The following RFTN2 variants were observed in gnomAD, a reference collection of about 807,000 sequenced individuals.
RFTN2 encodes raftlin family member 2.
In RFTN2, 34 loss-of-function variants were observed where a neutral mutation model predicts 52.7. That is an observed-to-expected ratio of 0.64 (90% CI 0.49 to 0.86). The LOEUF is 0.86. RFTN2 is among the 40% of genes least tolerant of loss of function. The pLI is 0.00. For missense variants in RFTN2, 536 were observed against 600.1 expected, an observed-to-expected ratio of 0.89 and a Z score of 1.12; for synonymous variants, 203 against 217.7, an observed-to-expected ratio of 0.93 and a Z score of 0.59.
rs555834039 is a variant in RFTN2, at chr2:197,578,560, C to T, written c.1234-6280G>A. Among the ~76,000 whole-genome samples the T allele has an allele frequency of 4.6e-5, 7 of 152,280 alleles. No homozygotes were observed. The East Asian group carries it at 1.2e-3, about 25-fold the overall frequency. ...TTCTCCTGGCTCAGAAATTCCCCTA[C>T]TGAGCACCTTGTGACCCCCAGCCCT... is the stretch of plus-strand genomic sequence containing the variant. On this transcript the variant is annotated intron_variant, in intron 8 of 8. Coordinates refer to ENST00000295049, the MANE Select transcript of RFTN2 (RefSeq NM_144629.3).
rs2088235120 is a variant in RFTN2, at chr2:197,620,034, C to T, written c.929-2113G>A. Reference sequence around the variant, plus strand: ...TTGAAATCAAAATTTGGTTTCGGATCTATACGTTGTATGCATGTTAATTAT... The same window carrying T: ...TTGAAATCAAAATTTGGTTTCGGATTTATACGTTGTATGCATGTTAATTAT... On this transcript the variant is annotated intron_variant, in intron 5 of 8. Transcript: ENST00000295049. Among the ~76,000 whole-genome samples, 3 of 151,736 alleles carry T rather than the reference C, an allele frequency of 2.0e-5. No homozygotes were observed. The South Asian group carries it at 6.2e-4, about 31-fold the overall frequency.
At chr2:197,674,354 A>AAAAAAAAAAAAG (rs2089187560) in intron 1 of RFTN2, among the ~76,000 whole-genome samples, 1 of 150,046 alleles carries the variant, frequency 6.7e-6, no homozygotes, top group Non-Finnish European at 1.5e-5. Context: ...AAAAAAAAAA[A>AAAAAAAAAAAAG]AAAAAAAAAG....
intron 1 of RFTN2, among the ~76,000 whole-genome samples, chr2:197,650,675 TTTTG>T (rs1350179858): frequency 1.2e-4 from 19 of 152,224 alleles, no homozygotes; most frequent in African/African-American, 4.6e-4. Flanking sequence ...ATATACCACA[TTTTG>T]TTTATCCATC....
At chr2:197,578,605 C>CT (rs934048167) in intron 8 of RFTN2, among the ~76,000 whole-genome samples, 3 of 152,180 alleles carry the variant, frequency 2.0e-5, no homozygotes, top group African/African-American at 7.2e-5. Context: ...AGAACAACCC[C>CT]CTTTGACTGT....
At chr2:197,633,231 TATTA>T (rs1313187456) in intron 4 of RFTN2, among the ~76,000 whole-genome samples, 2 of 152,246 alleles carry the variant, frequency 1.3e-5, no homozygotes, top group Admixed American at 6.5e-5. Context: ...ACTATTGTTA[TATTA>T]ATTGTTTCAT....
intron 1 of RFTN2, among the ~76,000 whole-genome samples, chr2:197,663,441 T>C (rs1308591397): frequency 2.0e-5 from 3 of 152,220 alleles, no homozygotes; most frequent in Non-Finnish European, 4.4e-5. Context: ...TGTCCAGTTC[T>C]GTGGTAATGA....
intron 1 of RFTN2, among the ~76,000 whole-genome samples, chr2:197,672,246 G>A (rs533102171): frequency 1.3e-5 from 2 of 152,240 alleles, no homozygotes; most frequent in Admixed American, 6.5e-5. Context: ...CTTGAAAGAA[G>A]GGGCTATGTG....
chr2:197,664,657 T>C (rs879438384), intron 1 of RFTN2, among the ~76,000 whole-genome samples: 8 of 151,760 alleles, frequency 5.3e-5, no homozygotes, highest in Non-Finnish European at 7.4e-5. Context: ...TGGTGGTACA[T>C]GGTTGTGGTC....
intron 3 of RFTN2, among the ~76,000 whole-genome samples, chr2:197,635,185 C>T (rs909370316): frequency 9.9e-5 from 15 of 152,062 alleles, no homozygotes; most frequent in Admixed American, 3.3e-4. Flanking sequence ...TGAATAATGC[C>T]GCAATAAACA....
At chr2:197,624,569 GCCTGGGCGACAGAGCGAGA>G (rs2088321847) in intron 5 of RFTN2, among the ~76,000 whole-genome samples, 1 of 127,494 alleles carries the variant, frequency 7.8e-6, no homozygotes, top group Non-Finnish European at 1.5e-5. Flanking sequence ...CAGCACTCCA[GCCTGGGCGACAGAGCGAGA>G]CTCTGTCTCA....
At chr2:197,598,079 C>T (rs953210442) in intron 7 of RFTN2, among the ~76,000 whole-genome samples, 3 of 152,160 alleles carry the variant, frequency 2.0e-5, no homozygotes, top group Admixed American at 6.5e-5. Context: ...CTTTGTGAAG[C>T]TGATGGAGGA....
chr2:197,649,730 A>G (rs2088799721), intron 1 of RFTN2, among the ~76,000 whole-genome samples: 1 of 152,208 alleles, frequency 6.6e-6, no homozygotes, highest in Non-Finnish European at 1.5e-5. Context: ...GTTAGACTTC[A>G]GGGAAATTTA....
intron 8 of RFTN2, among the ~76,000 whole-genome samples, chr2:197,573,252 G>A (rs2087348968): frequency 6.6e-6 from 1 of 152,174 alleles, no homozygotes. Context: ...TTATTGAATG[G>A]CTTTGATCGA....
chr2:197,625,942 C>T (rs1029462534), intron 5 of RFTN2, among the ~76,000 whole-genome samples: 2 of 151,954 alleles, frequency 1.3e-5, no homozygotes, highest in African/African-American at 4.8e-5. Context: ...CAGGCACCCA[C>T]CATGCCCGGC....
intron 1 of RFTN2, among the ~76,000 whole-genome samples, chr2:197,658,226 G>A (rs1254707815): frequency 6.7e-6 from 1 of 149,440 alleles, no homozygotes; most frequent in African/African-American, 2.5e-5. Context: ...TTAAGGACTT[G>A]GATTTGACTT....
chr2:197,574,610 G>A (rs1333645446), intron 8 of RFTN2, among the ~76,000 whole-genome samples: 3 of 152,178 alleles, frequency 2.0e-5, no homozygotes, highest in African/African-American at 7.2e-5. Flanking sequence ...GCTTACACCT[G>A]TAATCCCAGC....
At chr2:197,665,112 T>A (rs955485165) in intron 1 of RFTN2, among the ~76,000 whole-genome samples, 1 of 152,188 alleles carries the variant, frequency 6.6e-6, no homozygotes, top group Non-Finnish European at 1.5e-5. Flanking sequence ...ATATCCCGTG[T>A]AACAAACCTG....
rs190501382 is a variant in RFTN2, at chr2:197,590,239, G to A, written c.1233+5752C>T. 6.4e-4 allele frequency among the ~76,000 whole-genome samples: 97 copies of A among 152,110 alleles called. No homozygotes were observed. The East Asian group carries it at 0.017, about 27-fold the overall frequency. ...TCTTTGCCTAACTCCACTTGACAAAGATTTTCTCCTATGTTTTTTCCTAAT... is the reference window on the plus strand; with the variant it reads ...TCTTTGCCTAACTCCACTTGACAAAAATTTTCTCCTATGTTTTTTCCTAAT... On this transcript the variant is annotated intron_variant, in intron 8 of 8. Coordinates refer to ENST00000295049, the MANE Select transcript of RFTN2 (RefSeq NM_144629.3).
At chr2:197,647,466 TC>T (rs1350048370) in intron 1 of RFTN2, among the ~76,000 whole-genome samples, 2 of 152,178 alleles carry the variant, frequency 1.3e-5, no homozygotes, top group Non-Finnish European at 2.9e-5. Context: ...TGCCTTGGCT[TC>T]CCAAAGTGTT....
Sources: allele counts gnomAD v4.1 joint callset (sites outside exome capture counted in the v4.1 genomes callset), GRCh38; gene constraint gnomAD v4.1.1; transcripts MANE v1.5; gene names NCBI Gene and HGNC (gene_info 2026-07-23, HGNC 2026-07-21).